TET2: variants seen among roughly 807,000 people sequenced by gnomAD.
TET2 encodes the protein tet methylcytosine dioxygenase 2.
A neutral mutation model predicts 142.9 loss-of-function variants in TET2; 299 were observed. The observed-to-expected ratio is 2.09, with a 90% CI of 1.90 to 2.30. The LOEUF is 2.30. Ranked by LOEUF, TET2 falls within the 30% of genes most tolerant of loss-of-function variation. The pLI is 0.00. For synonymous variants in TET2, 819 were observed against 849.0 expected, an observed-to-expected ratio of 0.96 and a Z score of 0.61; for missense variants, 2,418 against 2,378.0, an observed-to-expected ratio of 1.02 and a Z score of -0.35.
At chr4:105,261,189 G>T (rs1279256544) in intron 7 of TET2, among the ~76,000 whole-genome samples, 2 of 151,906 alleles carry the variant, frequency 1.3e-5, no homozygotes, top group East Asian at 3.8e-4. Context: ...TGTTCTTCAT[G>T]AGCAGGGCAG....
chr4:105,210,683 G>A (rs1727106627), intron 2 of TET2, among the ~76,000 whole-genome samples: 1 of 152,082 alleles, frequency 6.6e-6, no homozygotes, highest in Admixed American at 6.6e-5. Flanking sequence ...CAAAACTCTA[G>A]GCATTATCTT....
At position 105,190,656 on chromosome 4, in the gene TET2, G is replaced by A. The variant is rs543450508; in HGVS notation, c.-47+151G>A. The A allele has an allele frequency of 6.0e-5, 33 of 552,954 alleles. No homozygotes were observed. The South Asian group carries it at 7.4e-4, about 12-fold the overall frequency. The allele number at this position is 552,954 out of a possible 1,614,324, so 34.3% of individuals were successfully genotyped here. Reference sequence around the variant, plus strand: ...GTCTATGCTTAGGACACATGGATTAGATTGTTAAGATTTGTGAATTTACTA... The same window carrying A: ...GTCTATGCTTAGGACACATGGATTAAATTGTTAAGATTTGTGAATTTACTA... On this transcript the variant is annotated intron_variant, in intron 2 of 10. Coordinates refer to ENST00000380013, the MANE Select transcript of TET2 (RefSeq NM_001127208.3).
intron 10 of TET2, among the ~76,000 whole-genome samples, chr4:105,274,253 C>G (rs1731090894): frequency 6.6e-6 from 1 of 152,186 alleles, no homozygotes; most frequent in Non-Finnish European, 1.5e-5. Flanking sequence ...TCTATTTGTT[C>G]TTAACTCATA....
chr4:105,178,298 T>G (rs542946137), intron 1 of TET2, among the ~76,000 whole-genome samples: 1 of 152,260 alleles, frequency 6.6e-6, no homozygotes, highest in South Asian at 2.1e-4. Flanking sequence ...ACGACATGGA[T>G]GAAACTTAAA....
At chr4:105,158,145 T>C (rs1485238760) in intron 1 of TET2, among the ~76,000 whole-genome samples, 3 of 152,320 alleles carry the variant, frequency 2.0e-5, no homozygotes, top group African/African-American at 7.2e-5. Flanking sequence ...AAATCTAGGG[T>C]ATGGCATTTT....
chr4:105,153,941 T>G (rs1450797904), intron 1 of TET2, among the ~76,000 whole-genome samples: 2 of 152,188 alleles, frequency 1.3e-5, no homozygotes, highest in African/African-American at 2.4e-5. Flanking sequence ...ATAAACAAAT[T>G]GTGGTATATC....
chr4:105,229,997 T>G (rs1728413779), intron 2 of TET2, among the ~76,000 whole-genome samples: 1 of 152,156 alleles, frequency 6.6e-6, no homozygotes, highest in Non-Finnish European at 1.5e-5. Context: ...TGCAAAAGAT[T>G]GTGCCTACAT....
intron 1 of TET2, among the ~76,000 whole-genome samples, chr4:105,157,155 A>G (rs1723609509): frequency 6.6e-6 from 1 of 151,614 alleles, no homozygotes; most frequent in South Asian, 2.1e-4. Flanking sequence ...TCATCAAATC[A>G]GAATGAGCAT....
chr4:105,157,329 G>A (rs1445150136), intron 1 of TET2, among the ~76,000 whole-genome samples: 2 of 151,916 alleles, frequency 1.3e-5, no homozygotes, highest in East Asian at 1.9e-4. Context: ...ATTTATTTTA[G>A]TAAATAATTA....
At chr4:105,170,578 T>G (rs1724407894) in intron 1 of TET2, among the ~76,000 whole-genome samples, 1 of 152,228 alleles carries the variant, frequency 6.6e-6, no homozygotes, top group African/African-American at 2.4e-5. Flanking sequence ...CTCTGCTGAT[T>G]TATCCTCATT....
rs3055846 is a variant in TET2 at position 105,270,674 on chromosome 4, T to TTATATA, written c.4182+947_4182+952dup. On this transcript the variant is annotated intron_variant, in intron 9 of 10. Coordinates refer to ENST00000380013, the MANE Select transcript of TET2 (RefSeq NM_001127208.3). The stretch of plus-strand genomic sequence containing the variant: ...GTGGTGAGGGGAAAATAGATACATG[T>TTATATA]TATATATATATATATATATATATAT... Among the ~76,000 whole-genome samples, 149 of 149,442 alleles carry TTATATA rather than the reference T, an allele frequency of 1.0e-3. 1 individual carries two copies. Among genetic ancestry groups the TTATATA allele is most frequent in the South Asian group, 7.9e-3 (37 of 4,678 alleles).
At chr4:105,218,653 T>C (rs1258751907) in intron 2 of TET2, among the ~76,000 whole-genome samples, 1 of 151,958 alleles carries the variant, frequency 6.6e-6, no homozygotes, top group Non-Finnish European at 1.5e-5. Context: ...TGTGGGGTGG[T>C]TGTGACTTGC....
At chr4:105,206,231 A>G (rs917774586) in intron 2 of TET2, among the ~76,000 whole-genome samples, 2 of 152,180 alleles carry the variant, frequency 1.3e-5, no homozygotes, top group South Asian at 2.1e-4. Context: ...GAGTTTGTAT[A>G]TATTTCCTTT....
rs189554842 is a variant in TET2, at chr4:105,182,602, C to A, written c.-192-7758C>A. ...AACATAACTGCAGAGTTTTCCTATACGTTTTGAAATCTTTAAAAAAGTATT... is the reference window on the plus strand; with the variant it reads ...AACATAACTGCAGAGTTTTCCTATAAGTTTTGAAATCTTTAAAAAAGTATT... On this transcript the variant is annotated intron_variant, in intron 1 of 10. Transcript: ENST00000380013. Among the ~76,000 whole-genome samples, 7 of 152,146 alleles carry A rather than the reference C, an allele frequency of 4.6e-5. No homozygotes were observed. In the East Asian group the frequency reaches 9.6e-4, roughly 21 times the overall value.
intron 1 of TET2, among the ~76,000 whole-genome samples, chr4:105,154,197 TTAGA>T (rs1723451579): frequency 6.6e-6 from 1 of 152,240 alleles, no homozygotes; most frequent in South Asian, 2.1e-4. Flanking sequence ...TGTTCTATAA[TTAGA>T]TAGTAATGAT....
At chr4:105,174,501 G>A (rs964142942) in intron 1 of TET2, among the ~76,000 whole-genome samples, 8 of 152,182 alleles carry the variant, frequency 5.3e-5, no homozygotes, top group African/African-American at 1.9e-4. Flanking sequence ...GCAAACCACT[G>A]CATCAAATAT....
intron 2 of TET2, among the ~76,000 whole-genome samples, chr4:105,229,963 A>G (rs914733807): frequency 1.6e-4 from 25 of 152,138 alleles, no homozygotes; most frequent in African/African-American, 5.6e-4. Context: ...TTATTGATGT[A>G]GGTTGTTTCT....
At chr4:105,161,067 TA>T (rs1723832051) in intron 1 of TET2, among the ~76,000 whole-genome samples, 1 of 152,126 alleles carries the variant, frequency 6.6e-6, no homozygotes, top group Non-Finnish European at 1.5e-5. Flanking sequence ...TTTCTTTAAG[TA>T]ATACTTGGTA....
chr4:105,242,216 T>C (rs1294474594), intron 4 of TET2: 3 of 1,096,936 alleles, frequency 2.7e-6, no homozygotes, highest in Non-Finnish European at 3.4e-6. Flanking sequence ...AGAAGTTCAC[T>C]AAATAATCAT....
Sources: gnomAD v4.1 joint callset for allele counts (sites outside exome capture counted in the v4.1 genomes callset) on GRCh38, gnomAD v4.1.1 for gene constraint, MANE v1.5 for transcripts, NCBI Gene and HGNC (gene_info 2026-07-23, HGNC 2026-07-21) for gene names.